The following PLCB1 variants were observed in gnomAD, a reference collection of about 807,000 sequenced individuals.
The protein encoded by PLCB1 is phospholipase C beta 1.
A neutral mutation model predicts 161.8 loss-of-function variants in PLCB1; 46 were observed. That is an observed-to-expected ratio of 0.28 (90% confidence interval 0.22 to 0.36). The LOEUF (loss-of-function observed/expected upper bound fraction) is 0.36, where lower values mean the gene tolerates loss of function less well. PLCB1 is among the 10% of genes least tolerant of loss of function. PLCB1 has a pLI of 1.00. For synonymous variants in PLCB1, 517 were observed against 503.7 expected (o/e 1.03, Z -0.35); for missense variants, 1,016 against 1,472.5 (o/e 0.69, Z 5.07).
At chr20:8,145,992 T>C (rs1356968300) in intron 1 of PLCB1, among the ~76,000 whole-genome samples, 2 of 152,138 alleles carry the variant, frequency 1.3e-5, no homozygotes, top group East Asian at 1.9e-4. Flanking sequence ...GCTCCTGTAC[T>C]GGACAGCACC....
intron 2 of PLCB1, among the ~76,000 whole-genome samples, chr20:8,233,995 T>C (rs1460801495): frequency 3.3e-5 from 5 of 152,224 alleles, no homozygotes; most frequent in Non-Finnish European, 7.3e-5. Context: ...TTGGATAGTT[T>C]CATTTTTGGA....
intron 4 of PLCB1, among the ~76,000 whole-genome samples, chr20:8,632,690 C>T (rs1019804539): frequency 6.6e-6 from 1 of 152,068 alleles, no homozygotes; most frequent in Non-Finnish European, 1.5e-5. Flanking sequence ...AGAGACAGCA[C>T]TGCGCTTGCA....
chr20:8,442,476 G>A (rs902423534), intron 3 of PLCB1, among the ~76,000 whole-genome samples: 13 of 152,148 alleles, frequency 8.5e-5, no homozygotes, highest in Admixed American at 7.9e-4. Context: ...AGCTCTTAAA[G>A]GTTCTACCTC....
chr20:8,548,245 CCT>C (rs147797679), intron 3 of PLCB1, among the ~76,000 whole-genome samples: 16,745 of 137,878 alleles, frequency 0.12, 1,186 homozygotes, highest in East Asian at 0.27. Context: ...CTCCCCTCTT[CCT>C]CTTTTTCACC....
At chr20:8,750,126 A>T (rs959001851) in intron 23 of PLCB1, among the ~76,000 whole-genome samples, 1 of 152,348 alleles carries the variant, frequency 6.6e-6, no homozygotes, top group South Asian at 2.1e-4. Context: ...AATGTTCAAC[A>T]AAATGATACC....
intron 3 of PLCB1, among the ~76,000 whole-genome samples, chr20:8,606,478 C>T (rs1452725287): frequency 1.3e-5 from 2 of 152,114 alleles, no homozygotes; most frequent in Non-Finnish European, 2.9e-5. Context: ...ACGGAATAAA[C>T]TTCATCAATA....
chr20:8,502,392 G>A (rs1983462011), intron 3 of PLCB1, among the ~76,000 whole-genome samples: 1 of 152,006 alleles, frequency 6.6e-6, no homozygotes, highest in Non-Finnish European at 1.5e-5. Context: ...TAACTCACAA[G>A]GCAGCTGGAC....
chr20:8,640,825 C>A (rs1988930739), intron 4 of PLCB1, among the ~76,000 whole-genome samples: 1 of 152,160 alleles, frequency 6.6e-6, no homozygotes, highest in Admixed American at 6.5e-5. Context: ...TCTCTCCGTT[C>A]TTCTACTCTG....
At chr20:8,294,645 C>T (rs1336672509) in intron 2 of PLCB1, among the ~76,000 whole-genome samples, 2 of 150,258 alleles carry the variant, frequency 1.3e-5, no homozygotes, top group Admixed American at 6.6e-5. Context: ...CACAAGCACT[C>T]CTGATAAGAT....
chr20:8,442,841 GA>G (rs1433754971), intron 3 of PLCB1, among the ~76,000 whole-genome samples: 7 of 152,096 alleles, frequency 4.6e-5, no homozygotes, highest in Non-Finnish European at 8.8e-5. Flanking sequence ...AATAATGATG[GA>G]ATGGCTACCA....
In PLCB1 at chr20:8,479,802, G is replaced by C. The variant is rs1982424532; in HGVS notation, c.246+108352G>C. On this transcript the variant is annotated intron_variant, in intron 3 of 31. Coordinates refer to ENST00000338037, the MANE Select transcript of PLCB1 (RefSeq NM_015192.4). The stretch of plus-strand genomic sequence containing the variant: ...CTTGCATTTCTGCCCTTTACTATGA[G>C]AAAAATATCTTTTAGGTAGTTGACG... Among the ~76,000 whole-genome samples the C allele has an allele frequency of 2.6e-5, 4 of 152,240 alleles. No homozygotes were observed. In the South Asian group the frequency reaches 8.3e-4, roughly 32 times the overall value.
chr20:8,701,245 T>C (rs1342092947), intron 11 of PLCB1, among the ~76,000 whole-genome samples: 1 of 152,160 alleles, frequency 6.6e-6, no homozygotes, highest in East Asian at 1.9e-4. Flanking sequence ...CCCATTACCT[T>C]GTTTCTTACT....
chr20:8,551,786 T>C lies in PLCB1; in HGVS notation c.247-76508T>C, dbSNP rs140191226. 2.8e-3 allele frequency among the ~76,000 whole-genome samples: 433 copies of C among 152,254 alleles called. 1 individual carries two copies. Among genetic ancestry groups the C allele is most frequent in the Non-Finnish European group, 4.2e-3 (286 of 68,030 alleles). On this transcript the variant is annotated intron_variant, in intron 3 of 31. Coordinates refer to ENST00000338037, the MANE Select transcript of PLCB1 (RefSeq NM_015192.4). ...TCCATCCTCTTTCTTGCTTTCCCAC[T>C]CTTCTACCCGTATTTTCTCTGATCA...
chr20:8,596,100 G>C (rs1418633255), intron 3 of PLCB1, among the ~76,000 whole-genome samples: 2 of 151,958 alleles, frequency 1.3e-5, no homozygotes, highest in African/African-American at 4.8e-5. Context: ...AAGCTCTTTA[G>C]TTTAATTAGA....
At chr20:8,409,288 C>T (rs1334499013) in intron 3 of PLCB1, among the ~76,000 whole-genome samples, 2 of 152,100 alleles carry the variant, frequency 1.3e-5, no homozygotes, top group Non-Finnish European at 2.9e-5. Context: ...GACCATAACT[C>T]GAACTTGCTA....
chr20:8,157,625 T>C (rs1342282771), intron 2 of PLCB1, among the ~76,000 whole-genome samples: 1 of 152,238 alleles, frequency 6.6e-6, no homozygotes, highest in Non-Finnish European at 1.5e-5. Flanking sequence ...AGACATGTCA[T>C]GATGCCTTAG....
intron 3 of PLCB1, among the ~76,000 whole-genome samples, chr20:8,614,947 G>A (rs1396855420): frequency 6.6e-6 from 1 of 151,968 alleles, no homozygotes; most frequent in African/African-American, 2.4e-5. Context: ...AACTTTTTAT[G>A]AGCATGCAAT....
intron 31 of PLCB1, among the ~76,000 whole-genome samples, 183 bp downstream of exon 31, chr20:8,790,444 A>G (rs1279510678): frequency 6.6e-6 from 1 of 152,194 alleles, no homozygotes; most frequent in Non-Finnish European, 1.5e-5. Context: ...ATTTATCATC[A>G]CCTGGTGAGC....
chr20:8,403,059 T>A (rs1978635045), intron 3 of PLCB1, among the ~76,000 whole-genome samples: 2 of 152,208 alleles, frequency 1.3e-5, no homozygotes, highest in South Asian at 4.1e-4. Context: ...TGATATCATT[T>A]TATTAGATTC....
Sources: gnomAD v4.1 joint callset for allele counts (sites outside exome capture counted in the v4.1 genomes callset) on GRCh38, gnomAD v4.1.1 for gene constraint, MANE v1.5 for transcripts, NCBI Gene and HGNC (gene_info 2026-07-23, HGNC 2026-07-21) for gene names.